Variants in C20orf203 observed in about 807,000 individuals in gnomAD.
The protein encoded by C20orf203 is uncharacterized protein C20orf203.
A neutral mutation model predicts 15.9 loss-of-function variants in C20orf203; 16 were observed. That is an observed-to-expected ratio of 1.01 (90% CI 0.68 to 1.53). C20orf203 has a LOEUF of 1.53. Among genes scored for constraint, C20orf203 ranks in the 40% most tolerant of loss-of-function variants. C20orf203 has a pLI of 0.00. For missense variants in C20orf203, 263 were observed against 247.5 expected, an observed-to-expected ratio of 1.06 and a Z score of -0.42; for synonymous variants, 98 against 97.2, an observed-to-expected ratio of 1.01 and a Z score of -0.05.
intron 4 of C20orf203, among the ~76,000 whole-genome samples, chr20:32,647,395 CAAA>C (rs1181319264): frequency 3.2e-5 from 3 of 93,978 alleles, no homozygotes; most frequent in African/African-American, 4.4e-5. Flanking sequence ...AACTCCGTCT[CAAA>C]AAAAAAAAAA....
chr20:32,671,258 T>C (rs1449002677), intron 1 of C20orf203, among the ~76,000 whole-genome samples: 1 of 152,190 alleles, frequency 6.6e-6, no homozygotes, highest in African/African-American at 2.4e-5. Context: ...TTATTCACAA[T>C]AGCCAAGAGG....
chr20:32,640,946 C>T (rs913928010), intron 4 of C20orf203, among the ~76,000 whole-genome samples: 4 of 152,068 alleles, frequency 2.6e-5, no homozygotes, highest in African/African-American at 4.8e-5. Flanking sequence ...AAGCTTCATC[C>T]GTATTGTAGC....
At chr20:32,663,877 C>T (rs189417882) in intron 1 of C20orf203, among the ~76,000 whole-genome samples, 3 of 152,362 alleles carry the variant, frequency 2.0e-5, no homozygotes, top group Admixed American at 6.5e-5. Context: ...AACCCCTGCC[C>T]GGGGCCCTCT....
At chr20:32,672,075 G>A (rs950285193) in intron 1 of C20orf203, among the ~76,000 whole-genome samples, 8 of 152,146 alleles carry the variant, frequency 5.3e-5, no homozygotes, top group East Asian at 3.9e-4. Context: ...CCAGCACTCC[G>A]GGAGGCCAAG....
chr20:32,669,146 G>T (rs985136639), intron 1 of C20orf203, among the ~76,000 whole-genome samples: 4 of 152,218 alleles, frequency 2.6e-5, no homozygotes, highest in Non-Finnish European at 5.9e-5. Flanking sequence ...GGGTGCCCCA[G>T]CCTCTGCCCA....
rs1982641391 is a variant in C20orf203 at position 32,651,999 on chromosome 20, A to G, written c.-263-18T>C. ...ACCCCAGTCTGGAAGGAGAGAGAAA[A>G]CACACATACAAATAACTAGAATGCA... is the stretch of plus-strand genomic sequence containing the variant. On this transcript the variant is annotated intron_variant, in intron 1 of 5. Transcript: ENST00000608990. 1 of 152,194 alleles carries G rather than the reference A, an allele frequency of 6.6e-6. No homozygotes were observed. Among genetic ancestry groups the G allele is most frequent in the African/African-American group, 2.4e-5 (1 of 41,426 alleles). 9.4% of individuals were successfully genotyped at this position (152,194 alleles called of 1,614,324 possible).
intron 4 of C20orf203, 153 bp from the exon 5 acceptor site, chr20:32,640,840 CTCTATGGATTTCCCTCT>C (rs1982262130): frequency 6.6e-6 from 1 of 152,248 alleles, no homozygotes; most frequent in African/African-American, 2.4e-5. Context: ...CATATTCTGT[CTCTATGGATTTCCCTCT>C]TCTGGACATT....
Position 32,658,485 on chromosome 20 carries a change from G to T in C20orf203, c.-263-6504C>A, listed in dbSNP as rs190222121. On this transcript the variant is annotated intron_variant, in intron 1 of 5. Transcript: ENST00000608990. ...TTGAATTTTTTCTTTTAGAGCTGGG[G>T]TCTTGCTATATTGCCCAGGCTGGCC... is the stretch of plus-strand genomic sequence containing the variant. Among the ~76,000 whole-genome samples, 306 of 151,944 alleles carry T rather than the reference G, an allele frequency of 2.0e-3. 1 individual carries two copies. Among genetic ancestry groups the T allele is most frequent in the African/African-American group, 7.1e-3 (293 of 41,426 alleles).
intron 1 of C20orf203, among the ~76,000 whole-genome samples, chr20:32,665,961 T>G (rs946285989): frequency 6.6e-6 from 1 of 150,798 alleles, no homozygotes; most frequent in Non-Finnish European, 1.5e-5. Context: ...ACAAAACCAC[T>G]TTTTTTAAAA....
At chr20:32,640,017 T>C (rs1173481765) in intron 5 of C20orf203, among the ~76,000 whole-genome samples, 7 of 152,106 alleles carry the variant, frequency 4.6e-5, no homozygotes, top group Admixed American at 6.5e-5. Context: ...TTACCCCAAT[T>C]TATAAATGGA....
chr20:32,643,756 T>C (rs754808254), intron 4 of C20orf203, among the ~76,000 whole-genome samples: 5 of 152,134 alleles, frequency 3.3e-5, no homozygotes, highest in Non-Finnish European at 7.3e-5. Context: ...ATGAACACCC[T>C]TTTCTGCCCA....
At chr20:32,641,341 A>G (rs1320690542) in intron 4 of C20orf203, among the ~76,000 whole-genome samples, 1 of 151,746 alleles carries the variant, frequency 6.6e-6, no homozygotes. Context: ...CTCAAAAAAA[A>G]AAAAAAAAAA....
chr20:32,641,642 C>A (rs1982283665), intron 4 of C20orf203, among the ~76,000 whole-genome samples: 1 of 152,090 alleles, frequency 6.6e-6, no homozygotes, highest in Non-Finnish European at 1.5e-5. Context: ...TCTTATTTGT[C>A]TTTTTTATTC....
chr20:32,647,589 C>T (rs988066949), intron 4 of C20orf203, among the ~76,000 whole-genome samples: 56 of 151,884 alleles, frequency 3.7e-4, no homozygotes, highest in African/African-American at 1.1e-3. Flanking sequence ...CCTGTAGTCC[C>T]GACTACTCAG....
chr20:32,663,324 A>AG (rs1982940439), intron 1 of C20orf203, among the ~76,000 whole-genome samples: 2 of 149,726 alleles, frequency 1.3e-5, no homozygotes, highest in African/African-American at 2.5e-5. Context: ...TAAGAGAATG[A>AG]GAAAAAAAAA....
At chr20:32,644,889 A>G (rs950863710) in intron 4 of C20orf203, among the ~76,000 whole-genome samples, 3 of 151,706 alleles carry the variant, frequency 2.0e-5, no homozygotes, top group South Asian at 2.1e-4. Context: ...CTCTTCACAG[A>G]TGGGGGAAAC....
Position 32,650,407 on chromosome 20 carries a change from G to A in C20orf203, c.*25C>T. On this transcript the variant is annotated 3_prime_UTR_variant, in exon 4 of 6. Coordinates refer to ENST00000608990, the MANE Select transcript of C20orf203 (RefSeq NM_182584.4). ...CTTGGTAGGACAGGCAGGCAGAGCTGGGGGTGGGGGCGCCCTGGGCTCGGC... is the reference window on the plus strand; with the variant it reads ...CTTGGTAGGACAGGCAGGCAGAGCTAGGGGTGGGGGCGCCCTGGGCTCGGC... The A allele has an allele frequency of 1.3e-6, 2 of 1,521,060 alleles. No individual in the cohort carries two copies. The highest frequency in any genetic ancestry group is 1.8e-6 in the Non-Finnish European group (2 of 1,123,722). The allele number at this position is 1,521,060 out of a possible 1,614,324, so 94.2% of individuals were successfully genotyped here. A position where few individuals can be genotyped will look rare whatever the true frequency, so the allele number is the denominator to read the frequency against.
intron 1 of C20orf203, among the ~76,000 whole-genome samples, chr20:32,653,584 G>A (rs1024920662): frequency 6.6e-6 from 1 of 152,182 alleles, no homozygotes; most frequent in Non-Finnish European, 1.5e-5. Flanking sequence ...GTTCTAAGAA[G>A]AGTGTTCCTA....
rs140928448 is a variant in C20orf203 at position 32,642,001 on chromosome 20, C to T, written c.*1178-1314G>A. Among the ~76,000 whole-genome samples the T allele has an allele frequency of 2.6e-5, 4 of 152,148 alleles. No individual in the cohort carries two copies. The East Asian group carries it at 5.8e-4, about 22-fold the overall frequency. On this transcript the variant is annotated intron_variant, in intron 4 of 5. Transcript: ENST00000608990. ...TACAGGCACCAGGCACACACCACCA[C>T]GCCTAATTTTTGTATTTTTTGTAGA...
Sources: gnomAD v4.1 joint callset for allele counts (sites outside exome capture counted in the v4.1 genomes callset) on GRCh38, gnomAD v4.1.1 for gene constraint, MANE v1.5 for transcripts, NCBI Gene and HGNC (gene_info 2026-07-23, HGNC 2026-07-21) for gene names.